The following MBNL2 variants were observed in gnomAD, a reference collection of about 807,000 sequenced individuals.
The protein encoded by MBNL2 is muscleblind-like protein 2.
Under a neutral mutation model 41.9 loss-of-function variants are expected in MBNL2, and 17 were observed. The observed-to-expected ratio is 0.41, with a 90% CI of 0.28 to 0.61. The LOEUF (loss-of-function observed/expected upper bound fraction) is 0.61. Among genes scored for constraint, MBNL2 ranks in the 20% least tolerant of loss-of-function variants. The probability of loss-of-function intolerance (pLI) is 0.35; values close to 1 mark genes in which losing one functional copy is unlikely to be tolerated. For missense variants in MBNL2, 336 were observed against 505.6 expected (o/e 0.66, Z 3.22); for synonymous variants, 195 against 182.9 (o/e 1.07, Z -0.53).
chr13:97,281,381 G>C (rs1478667668), intron 2 of MBNL2, among the ~76,000 whole-genome samples: 4 of 151,862 alleles, frequency 2.6e-5, no homozygotes, highest in Non-Finnish European at 5.9e-5. Flanking sequence ...CAAGACTCTG[G>C]AAGTATAATA....
the MBNL2 span, among the ~76,000 whole-genome samples, chr13:97,161,573 T>G: frequency 1.3e-5 from 2 of 152,316 alleles, no homozygotes; most frequent in East Asian, 1.9e-4. Context: ...TGAGTATTCA[T>G]TATAATTAAT....
At chr13:97,271,223 C>T (rs2050921772) in intron 1 of MBNL2, among the ~76,000 whole-genome samples, 1 of 148,756 alleles carries the variant, frequency 6.7e-6, no homozygotes, top group Non-Finnish European at 1.5e-5. Context: ...TCAAGCAATT[C>T]TCATGCCTCA....
At chr13:97,386,334 C>A (rs1304326316) in intron 8 of MBNL2, among the ~76,000 whole-genome samples, 2 of 152,208 alleles carry the variant, frequency 1.3e-5, no homozygotes, top group Non-Finnish European at 2.9e-5. Flanking sequence ...CTGAATTTAG[C>A]CCAAAGATAT....
At chr13:97,309,642 A>T (rs1179464579) in intron 2 of MBNL2, among the ~76,000 whole-genome samples, 1 of 152,204 alleles carries the variant, frequency 6.6e-6, no homozygotes, top group Non-Finnish European at 1.5e-5. Context: ...CCCAGCTTGT[A>T]GTACTTGGTT....
At chr13:97,223,859 C>A (rs2041177117) in intron 1 of MBNL2, among the ~76,000 whole-genome samples, 1 of 152,200 alleles carries the variant, frequency 6.6e-6, no homozygotes, top group Admixed American at 6.5e-5. Context: ...GACACTAGCC[C>A]AGAACTTCTG....
Position 97,390,918 on chromosome 13 carries a change from G to T in MBNL2, c.1049-404G>T, listed in dbSNP as rs148207338. Among the ~76,000 whole-genome samples the T allele has an allele frequency of 1.8e-3, 267 of 152,192 alleles. 1 individual carries two copies. The highest frequency in any genetic ancestry group is 5.9e-3 in the African/African-American group (247 of 41,520). On this transcript the variant is annotated intron_variant, in intron 8 of 8. Coordinates refer to ENST00000679496, the MANE Select transcript of MBNL2 (RefSeq NM_001382683.1). ...ATATTTATATTTAAGCCTTACAAAT[G>T]ACTTTTCAGTACAAACAAATTCTCT...
the MBNL2 span, among the ~76,000 whole-genome samples, chr13:97,182,066 T>G: frequency 6.6e-6 from 1 of 152,232 alleles, no homozygotes; most frequent in Non-Finnish European, 1.5e-5. Flanking sequence ...TTTTTCTCCC[T>G]GTCTTATGGT....
intron 2 of MBNL2, among the ~76,000 whole-genome samples, chr13:97,305,632 G>T (rs2058053370): frequency 6.6e-6 from 1 of 152,014 alleles, no homozygotes; most frequent in South Asian, 2.1e-4. Context: ...GGATGTGGTG[G>T]CACGCACTTG....
chr13:97,201,809 A>G, the MBNL2 span, among the ~76,000 whole-genome samples: 1 of 152,208 alleles, frequency 6.6e-6, no homozygotes, highest in Non-Finnish European at 1.5e-5. Context: ...TCTAAATCCT[A>G]TTACTTTCTA....
At chr13:97,299,834 A>C (rs959759394) in intron 2 of MBNL2, among the ~76,000 whole-genome samples, 2 of 152,188 alleles carry the variant, frequency 1.3e-5, no homozygotes, top group African/African-American at 4.8e-5. Flanking sequence ...CCATAGGTAC[A>C]TATGTAATGT....
intron 1 of MBNL2, among the ~76,000 whole-genome samples, chr13:97,270,457 G>A (rs994862583): frequency 6.6e-6 from 1 of 151,988 alleles, no homozygotes; most frequent in Non-Finnish European, 1.5e-5. Context: ...TACTCCATCT[G>A]TATGTAGGTT....
chr13:97,208,222 T>C, the MBNL2 span, among the ~76,000 whole-genome samples: 5 of 152,256 alleles, frequency 3.3e-5, no homozygotes, highest in Admixed American at 2.0e-4. Context: ...GTAGTATGCA[T>C]TGATTCCCAC....
chr13:97,230,981 C>T (rs2042302083), intron 1 of MBNL2, among the ~76,000 whole-genome samples: 2 of 152,190 alleles, frequency 1.3e-5, no homozygotes, highest in African/African-American at 4.8e-5. Flanking sequence ...ATTATCAATA[C>T]TTCTGCATCC....
chr13:97,388,734 T>C (rs972560545), intron 8 of MBNL2, among the ~76,000 whole-genome samples: 2 of 152,178 alleles, frequency 1.3e-5, no homozygotes, highest in Non-Finnish European at 2.9e-5. Flanking sequence ...GTTCTGTCTA[T>C]ATCTCCAGGG....
chr13:97,386,516 G>T (rs557887681), intron 8 of MBNL2, among the ~76,000 whole-genome samples: 147 of 152,284 alleles, frequency 9.7e-4, no homozygotes, highest in African/African-American at 3.5e-3. Flanking sequence ...TTCCTGCCTG[G>T]CCCCAGGAGG....
In MBNL2 at chr13:97,310,207, G is replaced by C. The variant is rs74104396; in HGVS notation, c.175-24069G>C. On this transcript the variant is annotated intron_variant, in intron 2 of 8. Transcript: ENST00000679496. ...GTTCCGGCTCTGACTCCAAAGAGTC[G>C]TGTGATCCCAGACAAGTCACGTTCT... Among the ~76,000 whole-genome samples the C allele has an allele frequency of 2.5e-3, 375 of 152,264 alleles. 7 individuals are homozygous for C. The highest frequency in any genetic ancestry group is 8.4e-3 in the African/African-American group (350 of 41,544).
intron 2 of MBNL2, among the ~76,000 whole-genome samples, chr13:97,302,672 A>T (rs1191851756): frequency 6.6e-6 from 1 of 152,252 alleles, no homozygotes; most frequent in Non-Finnish European, 1.5e-5. Flanking sequence ...CAATCCAAAC[A>T]CAATGGGTGT....
At chr13:97,166,836 AT>A in the MBNL2 span, among the ~76,000 whole-genome samples, 4 of 151,416 alleles carry the variant, frequency 2.6e-5, no homozygotes, top group South Asian at 8.4e-4. Context: ...AGATAGATAG[AT>A]AGAAAGATAG....
intron 2 of MBNL2, among the ~76,000 whole-genome samples, chr13:97,303,568 G>C (rs141541280): frequency 6.6e-6 from 1 of 152,174 alleles, no homozygotes; most frequent in African/African-American, 2.4e-5. Flanking sequence ...ATTTTGGATC[G>C]TTTCAAATTT....
Sources: allele counts gnomAD v4.1 joint callset (sites outside exome capture counted in the v4.1 genomes callset), GRCh38; gene constraint gnomAD v4.1.1; transcripts MANE v1.5; gene names NCBI Gene and HGNC (gene_info 2026-07-23, HGNC 2026-07-21).